DPP10: variants seen among roughly 807,000 people sequenced by gnomAD.
The protein encoded by DPP10 is dipeptidyl peptidase like 10, also known as inactive dipeptidyl peptidase 10.
In DPP10, 33 loss-of-function variants were observed where a neutral mutation model predicts 120.9. The ratio of observed to expected loss-of-function variants is 0.27; its 90% CI spans 0.21 to 0.37. The LOEUF (loss-of-function observed/expected upper bound fraction) is 0.37, where lower values mean the gene tolerates loss of function less well. Among genes scored for constraint, DPP10 ranks in the 10% least tolerant of loss-of-function variants. The pLI is 1.00. For missense variants in DPP10, 816 were observed against 942.8 expected (o/e 0.87, Z 1.76); for synonymous variants, 337 against 326.1 (o/e 1.03, Z -0.36).
At chr2:114,897,478 A>G (rs1257587520) in intron 1 of DPP10, among the ~76,000 whole-genome samples, 2 of 152,238 alleles carry the variant, frequency 1.3e-5, no homozygotes, top group Non-Finnish European at 2.9e-5. Flanking sequence ...AATGGCAACA[A>G]AAGCCAAAAT....
At chr2:115,479,397 A>G (rs2075291107) in intron 3 of DPP10, among the ~76,000 whole-genome samples, 1 of 152,136 alleles carries the variant, frequency 6.6e-6, no homozygotes, top group African/African-American at 2.4e-5. Context: ...AATGGTTTCC[A>G]AGAAGTGCAG....
At chr2:114,458,397 A>C (rs1185775338) in intron 1 of DPP10, among the ~76,000 whole-genome samples, 2 of 152,156 alleles carry the variant, frequency 1.3e-5, no homozygotes. Flanking sequence ...ATGAAATCTA[A>C]GATTCTGCAT....
At chr2:115,325,959 C>T (rs925466272) in intron 2 of DPP10, among the ~76,000 whole-genome samples, 2 of 152,034 alleles carry the variant, frequency 1.3e-5, no homozygotes, top group Non-Finnish European at 1.5e-5. Context: ...TTTGCTGTTA[C>T]TTCCTGAAAA....
At chr2:115,380,984 C>T (rs1167017014) in intron 3 of DPP10, among the ~76,000 whole-genome samples, 1 of 152,180 alleles carries the variant, frequency 6.6e-6, no homozygotes, top group Non-Finnish European at 1.5e-5. Flanking sequence ...CTGCCCTTAA[C>T]ATTTTTTCCT....
chr2:115,248,103 T>G (rs2058612306), intron 1 of DPP10, among the ~76,000 whole-genome samples: 1 of 152,190 alleles, frequency 6.6e-6, no homozygotes, highest in African/African-American at 2.4e-5. Context: ...TGATGTCATC[T>G]CCATTAGGAG....
intron 1 of DPP10, among the ~76,000 whole-genome samples, chr2:114,505,576 A>G (rs1260790124): frequency 6.6e-6 from 1 of 152,030 alleles, no homozygotes; most frequent in Non-Finnish European, 1.5e-5. Context: ...CCCAAATAGC[A>G]TATTTTGAGG....
intron 19 of DPP10, 44 bp from the exon 20 acceptor site, chr2:115,814,749 T>G: frequency 7.0e-7 from 1 of 1,424,120 alleles, no homozygotes. Context: ...TTCTACCAGA[T>G]TTTCAGTTGC....
At chr2:115,587,160 C>T (rs2082345630) in intron 5 of DPP10, among the ~76,000 whole-genome samples, 1 of 140,862 alleles carries the variant, frequency 7.1e-6, no homozygotes, top group Middle Eastern at 4.0e-3. Flanking sequence ...TCCAGTGGCA[C>T]GATCTTGGCT....
chr2:115,184,702 T>C (rs2054310902), intron 1 of DPP10, among the ~76,000 whole-genome samples: 1 of 152,222 alleles, frequency 6.6e-6, no homozygotes, highest in African/African-American at 2.4e-5. Context: ...CCAATACACC[T>C]TCAAACATTC....
intron 1 of DPP10, among the ~76,000 whole-genome samples, chr2:114,793,512 C>T (rs1437338363): frequency 6.6e-6 from 1 of 152,106 alleles, no homozygotes; most frequent in East Asian, 1.9e-4. Flanking sequence ...AAATGTTCAC[C>T]TAAAAAACAG....
At chr2:114,662,343 C>A (rs1430712882) in intron 1 of DPP10, among the ~76,000 whole-genome samples, 7 of 152,198 alleles carry the variant, frequency 4.6e-5, no homozygotes, top group Admixed American at 3.9e-4. Flanking sequence ...GGCGCGGGCA[C>A]CGCTGCGCGG....
At chr2:115,595,816 A>T (rs2082954152) in intron 5 of DPP10, among the ~76,000 whole-genome samples, 1 of 152,074 alleles carries the variant, frequency 6.6e-6, no homozygotes, top group Non-Finnish European at 1.5e-5. Context: ...ATGAGTCAGA[A>T]TTACTTTTTC....
intron 5 of DPP10, among the ~76,000 whole-genome samples, chr2:115,639,520 A>G (rs2086609486): frequency 6.6e-6 from 1 of 152,142 alleles, no homozygotes; most frequent in Non-Finnish European, 1.5e-5. Flanking sequence ...GTGCCAGTAT[A>G]TGGGAGGCTG....
At chr2:115,123,301 CCTGT>C (rs1456488237) in intron 1 of DPP10, among the ~76,000 whole-genome samples, 1 of 152,116 alleles carries the variant, frequency 6.6e-6, no homozygotes, top group Non-Finnish European at 1.5e-5. Flanking sequence ...ATCCTAGTTC[CCTGT>C]CTGTCCCTTG....
intron 3 of DPP10, chr2:115,468,505 C>T (rs577745987): frequency 2.7e-4 from 116 of 435,636 alleles, no homozygotes; most frequent in Non-Finnish European, 3.6e-4. Context: ...TACACAGATT[C>T]TCCTCTGTGC....
At chr2:115,677,005 A>G (rs11694853) in intron 5 of DPP10, among the ~76,000 whole-genome samples, 120,675 of 152,122 alleles carry the variant, frequency 0.79, 49,690 homozygotes, top group East Asian at 0.98. Context: ...AACTATACAG[A>G]TCAGGAAATA....
At chr2:115,054,917 AC>A (rs1239858737) in intron 1 of DPP10, among the ~76,000 whole-genome samples, 2 of 152,154 alleles carry the variant, frequency 1.3e-5, no homozygotes, top group African/African-American at 2.4e-5. Context: ...GTCTCAAAAA[AC>A]GAAAGAAAAA....
At chr2:114,578,350 C>T (rs550318997) in intron 1 of DPP10, among the ~76,000 whole-genome samples, 1 of 152,220 alleles carries the variant, frequency 6.6e-6, no homozygotes, top group East Asian at 1.9e-4. Context: ...ATTGCTATTA[C>T]CATGTCTTTA....
intron 1 of DPP10, among the ~76,000 whole-genome samples, chr2:114,621,970 T>C (rs960881475): frequency 7.9e-5 from 12 of 151,730 alleles, no homozygotes; most frequent in African/African-American, 2.4e-4. Flanking sequence ...CCTCAGCCCA[T>C]AAGGAGCTTA....
Sources: gnomAD v4.1 joint callset for allele counts (sites outside exome capture counted in the v4.1 genomes callset) on GRCh38, gnomAD v4.1.1 for gene constraint, MANE v1.5 for transcripts, NCBI Gene and HGNC (gene_info 2026-07-23, HGNC 2026-07-21) for gene names.